STAT5A: variants seen among roughly 807,000 people sequenced by gnomAD.
The protein encoded by STAT5A is epididymis secretory sperm binding protein.
In STAT5A, 26 loss-of-function variants were observed where a neutral mutation model predicts 100.2. That is an observed-to-expected ratio of 0.26 (90% CI 0.19 to 0.36). The LOEUF (loss-of-function observed/expected upper bound fraction) is 0.36. Ranked by LOEUF, STAT5A falls within the 10% of genes least tolerant of loss-of-function variation. The pLI, the probability that STAT5A is intolerant of heterozygous loss-of-function variation, is 1.00. For missense variants in STAT5A, 634 were observed against 1,027.5 expected (o/e 0.62, Z 5.24); for synonymous variants, 330 against 424.3 (o/e 0.78, Z 2.73).
Position 42,306,387 on chromosome 17 carries a change from C to T in STAT5A, c.1620C>T (p.Asn540=). 5 of 1,614,166 alleles carry T rather than the reference C, an allele frequency of 3.1e-6. No homozygotes were observed. Among genetic ancestry groups the T allele is most frequent in the African/African-American group, 1.3e-5 (1 of 75,058 alleles). Residue 540 remains asparagine, a synonymous_variant, in exon 13 of 19, where the codon AAC becomes AAT. Transcript: ENST00000590949. ...TCCTGGCGCAGAAACTGTTCAACAA[C>T]AGCAGCAGCCACCTGGAGGACTACA... ...LVFLAQKLFN[N]SSSHLEDYSG...
intron 4 of STAT5A, among the ~76,000 whole-genome samples, chr17:42,292,748 T>C (rs1401195345): frequency 4.0e-5 from 6 of 151,884 alleles, no homozygotes. Flanking sequence ...TGCCTCAGCC[T>C]CCCGAGTAGC....
intron 9 of STAT5A, among the ~76,000 whole-genome samples, chr17:42,302,354 C>T (rs1028384106): frequency 2.0e-5 from 3 of 152,016 alleles, no homozygotes; most frequent in Non-Finnish European, 4.4e-5. Context: ...TGTAGGGCAC[C>T]GAGAAAGGGG....
At position 42,304,507 on chromosome 17, in the gene STAT5A, C is replaced by A. The variant is rs377061573; in HGVS notation, c.1258-23C>A. On this transcript the variant is annotated intron_variant, in intron 10 of 18. Coordinates refer to ENST00000590949, the MANE Select transcript of STAT5A (RefSeq NM_001288718.2). The surrounding 1 kb of genome is among the most constrained non-coding windows in gnomAD (Gnocchi z 4.8). ...GTAAGCAGCCGCCATCTCCCTGTTC[C>A]CCTGTCACCTCCCACCCTGCAGTCA... 2.0e-5 allele frequency: 32 copies of A among 1,614,076 alleles called. No individual in the cohort carries two copies. Among genetic ancestry groups the A allele is most frequent in the African/African-American group, 9.3e-5 (7 of 74,936 alleles).
intron 9 of STAT5A, among the ~76,000 whole-genome samples, chr17:42,302,219 C>T (rs142854717): frequency 3.9e-5 from 6 of 152,322 alleles, no homozygotes; most frequent in Admixed American, 2.0e-4. Flanking sequence ...ACCTGTGCTA[C>T]GCACTGAGGA....
chr17:42,301,084 G>A, intron 8 of STAT5A, among the ~76,000 whole-genome samples, 191 bp from the exon 9 acceptor site: 1 of 152,196 alleles, frequency 6.6e-6, no homozygotes, highest in East Asian at 1.9e-4. Context: ...CATGCCAGCT[G>A]CTGTGTTATC....
In STAT5A at chr17:42,304,523, C is replaced by T. The variant is rs1271414235; in HGVS notation, c.1258-7C>T. 1 of 1,614,210 alleles carries T rather than the reference C, an allele frequency of 6.2e-7. No individual in the cohort carries two copies. Among genetic ancestry groups the T allele is most frequent in the Non-Finnish European group, 8.5e-7 (1 of 1,180,026 alleles). ...TCCCTGTTCCCCTGTCACCTCCCAC[C>T]CTGCAGTCACTGAAGAGGATCAAGC... On this transcript the variant is annotated splice_region_variant and splice_polypyrimidine_tract_variant and intron_variant, in intron 10 of 18. Coordinates refer to ENST00000590949, the MANE Select transcript of STAT5A (RefSeq NM_001288718.2). The surrounding 1 kb of genome is among the most constrained non-coding windows in gnomAD (Gnocchi z 4.8).
intron 3 of STAT5A, chr17:42,290,302 A>G (rs886068805): frequency 3.2e-6 from 1 of 308,242 alleles, no homozygotes; most frequent in South Asian, 6.3e-5. Flanking sequence ...AGACTGAGTC[A>G]GGATTCCTAT....
chr17:42,305,694 G>A lies in STAT5A; in HGVS notation c.1465G>A (p.Ala489Thr). 1 of 1,614,038 alleles carries A rather than the reference G, an allele frequency of 6.2e-7. No individual in the cohort carries two copies. The highest frequency in any genetic ancestry group is 8.5e-7 in the Non-Finnish European group (1 of 1,180,010). The change falls in exon 12 of 19, where the codon GCT becomes ACT. Residue 489 changes from alanine to threonine, a missense_variant. By Grantham distance (58) the Ala-to-Thr change is moderately conservative. Transcript: ENST00000590949. ...TACTGTGCTGTGGGACAATGCCTTT[G>A]CTGAGCCGGTGAGTCCCCGTGGGAG... ...TATVLWDNAF[A>T]EPGRVPFAVP...
chr17:42,294,743 C>G (rs1044982756), intron 4 of STAT5A, among the ~76,000 whole-genome samples: 1 of 152,158 alleles, frequency 6.6e-6, no homozygotes, highest in African/African-American at 2.4e-5. Context: ...TCCCAGCGAG[C>G]TGGGGTTGGA....
chr17:42,290,967 G>A (rs952508740), intron 3 of STAT5A, among the ~76,000 whole-genome samples: 2 of 152,140 alleles, frequency 1.3e-5, no homozygotes, highest in Non-Finnish European at 2.9e-5. Context: ...AGAGCATCAC[G>A]TTTATTGTGC....
Position 42,304,446 on chromosome 17 carries a change from C to A in STAT5A, c.1257+17C>A, listed in dbSNP as rs201644743. ...AGGAACATGGTGAGGACGGGGCCCA[C>A]CCTCGGAGGGCAGGTCTGCCCAGAG... On this transcript the variant is annotated intron_variant, in intron 10 of 18. Transcript: ENST00000590949. This position sits in a 1 kb window ranked among gnomAD's most constrained non-coding sequence, Gnocchi z 4.8. 1 of 1,614,200 alleles carries A rather than the reference C, an allele frequency of 6.2e-7. No homozygotes were observed. Among genetic ancestry groups the A allele is most frequent in the South Asian group, 1.1e-5 (1 of 91,086 alleles).
rs558645269 is a variant in STAT5A, at chr17:42,301,181, A to T, written c.990-94A>T. Reference sequence around the variant, plus strand: ...CCGAGCTCATCACCTCCTGAGCCCCATGGGAGGCAGCCCCACCCCCACCAC... The same window carrying T: ...CCGAGCTCATCACCTCCTGAGCCCCTTGGGAGGCAGCCCCACCCCCACCAC... On this transcript the variant is annotated intron_variant, in intron 8 of 18. Transcript: ENST00000590949. 93 of 1,548,386 alleles carry T rather than the reference A, an allele frequency of 6.0e-5. No individual in the cohort carries two copies. In the African/African-American group the frequency reaches 8.6e-4, roughly 14 times the overall value.
At chr17:42,288,227 C>T (rs922568249), upstream of STAT5A, 7 of 152,212 alleles carry the variant, frequency 4.6e-5, no homozygotes, top group African/African-American at 9.6e-5. The surrounding 1 kb of genome is among the most constrained non-coding windows in gnomAD (Gnocchi z 4.8). Context: ...TGACCCGCCC[C>T]GGTTCCGGGA....
At position 42,304,273 on chromosome 17, in the gene STAT5A, G is replaced by A. The variant is rs777820594; in HGVS notation, c.1170-69G>A. 2,150 of 1,490,168 alleles carry A rather than the reference G, an allele frequency of 1.4e-3. 3 individuals are homozygous for A. The highest frequency in any genetic ancestry group is 1.8e-3 in the Non-Finnish European group (1,979 of 1,072,080). 92.3% of individuals were successfully genotyped at this position (1,490,168 alleles called of 1,614,324 possible). On this transcript the variant is annotated intron_variant, in intron 9 of 18. Coordinates refer to ENST00000590949, the MANE Select transcript of STAT5A (RefSeq NM_001288718.2). The surrounding 1 kb of genome is among the most constrained non-coding windows in gnomAD (Gnocchi z 4.8). ...CTGACCTGAGCGAAGACCCCAGCCCGAGGTGTGGACAGGACCATGCTCCTG... is the reference window on the plus strand; with the variant it reads ...CTGACCTGAGCGAAGACCCCAGCCCAAGGTGTGGACAGGACCATGCTCCTG...
At position 42,308,954 on chromosome 17, in the gene STAT5A, T is replaced by G. The variant is rs2144562740; in HGVS notation, c.2063-93T>G. The G allele has an allele frequency of 6.6e-7, 1 of 1,504,680 alleles. No individual in the cohort carries two copies. The highest frequency in any genetic ancestry group is 9.2e-7 in the Non-Finnish European group (1 of 1,083,910). 93.2% of individuals were successfully genotyped at this position (1,504,680 alleles called of 1,614,324 possible). On this transcript the variant is annotated intron_variant, in intron 16 of 18. Coordinates refer to ENST00000590949, the MANE Select transcript of STAT5A (RefSeq NM_001288718.2). This position sits in a 1 kb window ranked among gnomAD's most constrained non-coding sequence, Gnocchi z 4.6. ...TCCCAGCTGAGAACACAAGGTGATG[T>G]GAGCAGGAGGGAGACTACATGGGGC...
At chr17:42,291,697 A>G (rs1321772016) in intron 3 of STAT5A, among the ~76,000 whole-genome samples, 1 of 151,976 alleles carries the variant, frequency 6.6e-6, no homozygotes, top group Admixed American at 6.6e-5. Context: ...AGCCTAGGCA[A>G]CAAGAGCAAA....
intron 13 of STAT5A, among the ~76,000 whole-genome samples, chr17:42,307,061 G>T (rs2081036003): frequency 6.6e-6 from 1 of 152,182 alleles, no homozygotes; most frequent in South Asian, 2.1e-4. Flanking sequence ...AATTTTTGAA[G>T]ACCCATCCAT....
At chr17:42,301,889 C>CTTACCCCTG (rs1440733403) in intron 9 of STAT5A, among the ~76,000 whole-genome samples, 6 of 152,230 alleles carry the variant, frequency 3.9e-5, no homozygotes, top group Non-Finnish European at 5.9e-5. Flanking sequence ...TGGTGCTAGG[C>CTTACCCCTG]TAGATGCCGT....
At position 42,299,799 on chromosome 17, in the gene STAT5A, G is replaced by A. The variant is rs371007974; in HGVS notation, c.599G>A (p.Arg200Gln). 1.4e-5 allele frequency: 22 copies of A among 1,613,946 alleles called. No homozygotes were observed. Among genetic ancestry groups the A allele is most frequent in the East Asian group, 2.2e-5 (1 of 44,862 alleles). The change falls in exon 6 of 19, where the codon CGG becomes CAG. Residue 200 changes from arginine to glutamine, a missense_variant. This residue lies in a region of STAT5A where 207 missense variants were observed against 256.6 expected (regional missense o/e 0.81). Transcript: ENST00000590949. Reference protein sequence around the residue: ...AQLSPQERLSRETALQQKQVS... With the variant: ...AQLSPQERLSQETALQQKQVS... ...CTGAGCCCCCAGGAGCGTCTGAGCC[G>A]GGAGACGGCCCTCCAGCAGAAGCAG...
Sources: allele counts gnomAD v4.1 joint callset (sites outside exome capture counted in the v4.1 genomes callset), GRCh38; gene constraint gnomAD v4.1.1; regional missense constraint gnomAD v4.1.1; non-coding constraint Gnocchi (gnomAD v3.1); transcripts MANE v1.5; gene names NCBI Gene and HGNC (gene_info 2026-07-23, HGNC 2026-07-21).